Variants in PEX14 observed in about 807,000 individuals in gnomAD.
The protein encoded by PEX14 is peroxisomal membrane protein PEX14.
In PEX14, 15 loss-of-function variants were observed where a neutral mutation model predicts 49.5. The ratio of observed to expected loss-of-function variants is 0.30; its 90% CI spans 0.20 to 0.47. PEX14 has a LOEUF of 0.47. Among genes scored for constraint, PEX14 ranks in the 20% least tolerant of loss-of-function variants. The pLI, the probability that PEX14 is intolerant of heterozygous loss-of-function variation, is 1.00. For missense variants in PEX14, 398 were observed against 494.8 expected (o/e 0.80, Z 1.86); for synonymous variants, 210 against 212.7 (o/e 0.99, Z 0.11).
intron 7 of PEX14, among the ~76,000 whole-genome samples, chr1:10,626,826 A>G (rs1641761928): frequency 6.6e-6 from 1 of 152,198 alleles, no homozygotes; most frequent in Admixed American, 6.5e-5. Flanking sequence ...TCCAGAAGTA[A>G]GATGTAGTTC....
At chr1:10,578,529 C>T (rs1001435727) in intron 3 of PEX14, among the ~76,000 whole-genome samples, 1 of 151,990 alleles carries the variant, frequency 6.6e-6, no homozygotes, top group African/African-American at 2.4e-5. Context: ...CTTCAACATC[C>T]AGTATAAAAT....
At chr1:10,475,788 G>A (rs1641185186) in intron 1 of PEX14, among the ~76,000 whole-genome samples, 1 of 152,192 alleles carries the variant, frequency 6.6e-6, no homozygotes, top group African/African-American at 2.4e-5. Flanking sequence ...GTGGGGTGAG[G>A]AGAAAAGGGC....
chr1:10,489,379 T>C (rs1156979216), intron 1 of PEX14, among the ~76,000 whole-genome samples: 2 of 152,230 alleles, frequency 1.3e-5, no homozygotes, highest in Non-Finnish European at 2.9e-5. Flanking sequence ...AGCTTTTTTC[T>C]TCTGTGCAGT....
chr1:10,533,891 G>A (rs965947157), intron 2 of PEX14, among the ~76,000 whole-genome samples: 5 of 152,120 alleles, frequency 3.3e-5, no homozygotes, highest in African/African-American at 4.8e-5. Context: ...GATGGAATGC[G>A]CCAAGCACTG....
rs909613397 is a variant in PEX14, at chr1:10,539,402, T to C, written c.169+3105T>C. Among the ~76,000 whole-genome samples the C allele has an allele frequency of 1.3e-5, 2 of 152,236 alleles. No individual in the cohort carries two copies. Among genetic ancestry groups the C allele is most frequent in the Non-Finnish European group, 2.9e-5 (2 of 68,038 alleles). On this transcript the variant is annotated intron_variant, in intron 3 of 8. Transcript: ENST00000356607. This position sits in a 1 kb window ranked among gnomAD's most constrained non-coding sequence, Gnocchi z 4.6. The stretch of plus-strand genomic sequence containing the variant: ...AGTTTGTACTGCCATTTTGTGTAAT[T>C]TACAACATTTCTTCCTTTTATCGGG...
intron 3 of PEX14, among the ~76,000 whole-genome samples, chr1:10,568,081 T>G (rs916209513): frequency 5.3e-5 from 8 of 152,216 alleles, no homozygotes; most frequent in African/African-American, 1.9e-4. Context: ...TTAATTCATG[T>G]CAGTTTTTCC....
chr1:10,604,468 A>G (rs1450499654), intron 4 of PEX14, among the ~76,000 whole-genome samples: 1 of 152,082 alleles, frequency 6.6e-6, no homozygotes, highest in Non-Finnish European at 1.5e-5. Context: ...AAAATTTAAA[A>G]AACAAAACTA....
intron 1 of PEX14, among the ~76,000 whole-genome samples, chr1:10,491,939 T>A (rs1336225679): frequency 6.6e-6 from 1 of 152,106 alleles, no homozygotes; most frequent in Non-Finnish European, 1.5e-5. Flanking sequence ...CACCTTGGCC[T>A]CCTGAAGTGC....
At chr1:10,580,844 T>C (rs1640294826) in intron 3 of PEX14, among the ~76,000 whole-genome samples, 1 of 152,144 alleles carries the variant, frequency 6.6e-6, no homozygotes, top group Non-Finnish European at 1.5e-5. Flanking sequence ...ATGCTGCTTA[T>C]ATATGCCAGG....
intron 4 of PEX14, among the ~76,000 whole-genome samples, chr1:10,609,401 A>G (rs1351419880): frequency 6.6e-6 from 1 of 152,246 alleles, no homozygotes. Flanking sequence ...TAAGTATACA[A>G]TTCAATGAGT....
chr1:10,556,491 G>A (rs1008231037), intron 3 of PEX14, among the ~76,000 whole-genome samples: 2 of 152,152 alleles, frequency 1.3e-5, no homozygotes, highest in African/African-American at 4.8e-5. Flanking sequence ...GGACGCTGGC[G>A]ACAGTGTGAT....
At chr1:10,525,470 C>T (rs17035156) in intron 2 of PEX14, among the ~76,000 whole-genome samples, 1 of 152,212 alleles carries the variant, frequency 6.6e-6, no homozygotes, top group Non-Finnish European at 1.5e-5. Context: ...GAAAATGGAA[C>T]CTGACCACCA....
chr1:10,520,756 C>G (rs535776142), intron 2 of PEX14, among the ~76,000 whole-genome samples: 1 of 152,108 alleles, frequency 6.6e-6, no homozygotes, highest in Admixed American at 6.6e-5. Context: ...GGCAGGAATT[C>G]GAAACGGGTC....
intron 2 of PEX14, among the ~76,000 whole-genome samples, chr1:10,508,210 T>G (rs1641821033): frequency 6.6e-6 from 1 of 152,146 alleles, no homozygotes; most frequent in Non-Finnish European, 1.5e-5. Context: ...TGTTTTTTGT[T>G]TTTGTTTTTT....
chr1:10,565,908 G>T (rs1268667044), intron 3 of PEX14, among the ~76,000 whole-genome samples: 6 of 152,238 alleles, frequency 3.9e-5, no homozygotes, highest in Admixed American at 3.9e-4. Flanking sequence ...GGGAGGCTGA[G>T]GTGGGAAGAT....
intron 2 of PEX14, among the ~76,000 whole-genome samples, chr1:10,530,442 G>A (rs1173155062): frequency 6.6e-6 from 1 of 152,246 alleles, no homozygotes; most frequent in Admixed American, 6.5e-5. Flanking sequence ...GCCTCCGCCG[G>A]CTCCGGCTAG....
intron 2 of PEX14, among the ~76,000 whole-genome samples, chr1:10,508,015 C>G (rs895110716): frequency 6.6e-6 from 1 of 152,204 alleles, no homozygotes; most frequent in Non-Finnish European, 1.5e-5. Flanking sequence ...CCCATGGGCA[C>G]GTGTCTTTAA....
At chr1:10,475,410 C>A (rs543576504) in intron 1 of PEX14, among the ~76,000 whole-genome samples, 1 of 152,318 alleles carries the variant, frequency 6.6e-6, no homozygotes, top group East Asian at 1.9e-4. Context: ...TTAGGGTTCC[C>A]ACTCCCTCAC....
At chr1:10,572,403 A>G (rs1640001906) in intron 3 of PEX14, among the ~76,000 whole-genome samples, 1 of 152,236 alleles carries the variant, frequency 6.6e-6, no homozygotes, top group Non-Finnish European at 1.5e-5. Context: ...AAAGCCTACT[A>G]ACCATAGAAC....
Sources: gnomAD v4.1 joint callset for allele counts (sites outside exome capture counted in the v4.1 genomes callset) on GRCh38, gnomAD v4.1.1 for gene constraint, Gnocchi (gnomAD v3.1) non-coding constraint, MANE v1.5 for transcripts, NCBI Gene and HGNC (gene_info 2026-07-23, HGNC 2026-07-21) for gene names.